Variants in PHYH observed in about 807,000 individuals in gnomAD.
The protein encoded by PHYH is phytanoyl-CoA 2-hydroxylase.
A neutral mutation model predicts 38.5 loss-of-function variants in PHYH; 32 were observed. The ratio of observed to expected loss-of-function variants is 0.83; its 90% CI spans 0.63 to 1.12. The LOEUF is 1.12. PHYH is among the 50% of genes most tolerant of loss of function. PHYH has a pLI of 0.00. For missense variants in PHYH, 426 were observed against 434.8 expected, an observed-to-expected ratio of 0.98 and a Z score of 0.18; for synonymous variants, 166 against 157.9, an observed-to-expected ratio of 1.05 and a Z score of -0.38.
At chr10:13,284,344 AAAG>A (rs1371835869) in intron 6 of PHYH, among the ~76,000 whole-genome samples, 2 of 152,182 alleles carry the variant, frequency 1.3e-5, no homozygotes, top group Non-Finnish European at 2.9e-5. Context: ...TAATAAAAAA[AAAG>A]AAGTCACATG....
intron 6 of PHYH, among the ~76,000 whole-genome samples, chr10:13,286,874 G>C (rs1835564468): frequency 6.6e-6 from 1 of 152,174 alleles, no homozygotes; most frequent in African/African-American, 2.4e-5. Flanking sequence ...ACAGAAAGCA[G>C]CTCAGTGGTT....
At chr10:13,286,878 A>C (rs765916672) in intron 6 of PHYH, among the ~76,000 whole-genome samples, 4 of 152,204 alleles carry the variant, frequency 2.6e-5, no homozygotes, top group Non-Finnish European at 5.9e-5. Context: ...AAAGCAGCTC[A>C]GTGGTTGCCT....
At chr10:13,280,319 C>A (rs2131629650) in intron 8 of PHYH, among the ~76,000 whole-genome samples, 1 of 151,350 alleles carries the variant, frequency 6.6e-6, no homozygotes, top group South Asian at 2.1e-4. Context: ...GATCTCAAAC[C>A]TATAACTTTC....
intron 7 of PHYH, 79 bp from the exon 8 acceptor site, chr10:13,281,189 GA>G: frequency 7.0e-7 from 1 of 1,425,818 alleles, no homozygotes; most frequent in Non-Finnish European, 9.8e-7. Flanking sequence ...CTTTCTTTTA[GA>G]AAGTCATTTA....
chr10:13,291,754 C>T lies in PHYH; in HGVS notation c.496+77G>A, dbSNP rs1835715340. 6.5e-6 allele frequency: 6 copies of T among 929,948 alleles called. No individual in the cohort carries two copies. The South Asian group carries it at 6.6e-5, about 10-fold the overall frequency. 57.6% of individuals were successfully genotyped at this position (929,948 alleles called of 1,614,324 possible). On this transcript the variant is annotated intron_variant, in intron 5 of 8. Transcript: ENST00000263038. ...TTGGTCTCCTAAAATGCTGGGATTA[C>T]AGGCATGAGTTACTGCACCCAGCCA...
At chr10:13,295,444 T>C in intron 3 of PHYH, 52 bp downstream of exon 3, 1 of 917,178 alleles carries the variant, frequency 1.1e-6, no homozygotes, top group Non-Finnish European at 1.8e-6. Flanking sequence ...TGTATTCTCA[T>C]TACATGCACA....
At chr10:13,295,933 C>T (rs1356010751) in intron 2 of PHYH, among the ~76,000 whole-genome samples, 6 of 151,850 alleles carry the variant, frequency 4.0e-5, no homozygotes, top group African/African-American at 1.2e-4. Flanking sequence ...TTTGGGAGGC[C>T]GAGGCAGGTG....
At position 13,283,842 on chromosome 10, in the gene PHYH, A is replaced by T. The variant is rs776599418; in HGVS notation, c.679-3T>A. The stretch of plus-strand genomic sequence containing the variant: ...TGGAACATTTTGTTAACTCCCCCCT[A>T]GAACAAGAGGCAAGTGAAGTCTACA... On this transcript the variant is annotated splice_region_variant and splice_polypyrimidine_tract_variant and intron_variant, in intron 6 of 8. Transcript: ENST00000263038. 5 of 1,613,374 alleles carry T rather than the reference A, an allele frequency of 3.1e-6. No homozygotes were observed. In the South Asian group the frequency reaches 5.5e-5, roughly 18 times the overall value.
intron 8 of PHYH, among the ~76,000 whole-genome samples, chr10:13,280,006 T>C (rs1050135204): frequency 1.3e-5 from 2 of 152,186 alleles, no homozygotes; most frequent in Non-Finnish European, 2.9e-5. Flanking sequence ...TCTCGCTCTG[T>C]CGCCCAGGCT....
At chr10:13,283,896 T>A in intron 6 of PHYH, 57 bp from the exon 7 acceptor site, 1 of 1,396,378 alleles carries the variant, frequency 7.2e-7, no homozygotes. Flanking sequence ...TTAAAAACAT[T>A]GTCAATGGTT....
At chr10:13,288,583 T>G (rs1220310760) in intron 5 of PHYH, 42 bp from the exon 6 acceptor site, 1 of 1,596,084 alleles carries the variant, frequency 6.3e-7, no homozygotes, top group African/African-American at 1.3e-5. Context: ...CGAGGCCGAG[T>G]GCAGTGGCTC....
rs654553 is a variant in PHYH at position 13,295,330 on chromosome 10, T to C, written c.245+166A>G. 423,399 of 598,738 alleles carry C rather than the reference T, an allele frequency of 0.71. 152,105 individuals carry two copies. Among genetic ancestry groups the C allele is most frequent in the East Asian group, 0.87 (30,589 of 35,046 alleles). The allele number at this position is 598,738 out of a possible 1,614,324, so 37.1% of individuals were successfully genotyped here. A position where few individuals can be genotyped will look rare whatever the true frequency, so the allele number is the denominator to read the frequency against. On this transcript the variant is annotated intron_variant, in intron 3 of 8. Transcript: ENST00000263038. ...ACAACAGAGTGAGAACCTTTCTCTA[T>C]AAAAAATAAAAAGCCAGTCTGGCAC...
intron 8 of PHYH, 56 bp from the exon 9 acceptor site, chr10:13,278,410 T>A (rs957885046): frequency 3.3e-6 from 4 of 1,203,606 alleles, no homozygotes; most frequent in Non-Finnish European, 3.7e-6. Flanking sequence ...TGCCCTCCAT[T>A]AACCTTCAAT....
chr10:13,297,834 G>GC (rs11429570), intron 2 of PHYH, among the ~76,000 whole-genome samples: 151,894 of 151,902 alleles, frequency 1, 75,943 homozygotes, highest in Middle Eastern at 1. Context: ...GATGGCTCAG[G>GC]CTGCAATCCC....
intron 2 of PHYH, among the ~76,000 whole-genome samples, chr10:13,296,919 A>C (rs907772025): frequency 2.6e-5 from 4 of 152,006 alleles, no homozygotes; most frequent in African/African-American, 9.7e-5. Flanking sequence ...GCACCACTGC[A>C]CTCCAGCCTG....
chr10:13,278,362 T>C lies in PHYH; in HGVS notation c.964-8A>G. ...TCGAAACATCCAAATATCCTGGAAATAATATCAAACAGAGTGGGTTTATGG... is the reference window on the plus strand; with the variant it reads ...TCGAAACATCCAAATATCCTGGAAACAATATCAAACAGAGTGGGTTTATGG... On this transcript the variant is annotated splice_region_variant and splice_polypyrimidine_tract_variant and intron_variant, in intron 8 of 8. Transcript: ENST00000263038. 1 of 1,606,718 alleles carries C rather than the reference T, an allele frequency of 6.2e-7. No individual in the cohort carries two copies. Among genetic ancestry groups the C allele is most frequent in the Non-Finnish European group, 8.5e-7 (1 of 1,173,332 alleles).
rs538287274 is a variant in PHYH, at chr10:13,296,375, G to C, written c.135-769C>G. On this transcript the variant is annotated intron_variant, in intron 2 of 8. Transcript: ENST00000263038. ...GTGGATCACCTGAGGTCGGGAGTTC[G>C]AGACCAGCCTGACTCACATGATGAA... Among the ~76,000 whole-genome samples, 3 of 151,132 alleles carry C rather than the reference G, an allele frequency of 2.0e-5. No homozygotes were observed. The South Asian group carries it at 6.3e-4, about 32-fold the overall frequency.
chr10:13,280,895 T>G (rs1564419235), intron 8 of PHYH, 81 bp downstream of exon 8: 1 of 1,333,174 alleles, frequency 7.5e-7, no homozygotes, highest in Non-Finnish European at 1.1e-6. Flanking sequence ...TACTGTCAAA[T>G]AAACTAGGTA....
chr10:13,283,067 C>T (rs1182416397), intron 7 of PHYH, among the ~76,000 whole-genome samples: 2 of 151,846 alleles, frequency 1.3e-5, no homozygotes, highest in South Asian at 2.1e-4. Flanking sequence ...GTGATCCTCC[C>T]GCCTCAGCCT....
Sources: gnomAD v4.1 joint callset for allele counts (sites outside exome capture counted in the v4.1 genomes callset) on GRCh38, gnomAD v4.1.1 for gene constraint, MANE v1.5 for transcripts, NCBI Gene and HGNC (gene_info 2026-07-23, HGNC 2026-07-21) for gene names.